Variants in TARS2 observed in about 807,000 individuals in gnomAD.
The protein encoded by TARS2 is threonine--tRNA ligase, mitochondrial.
In TARS2, 61 loss-of-function variants were observed where a neutral mutation model predicts 94.4. The observed-to-expected ratio is 0.65, with a 90% CI of 0.53 to 0.80. TARS2 has a LOEUF of 0.80. TARS2 is among the 30% of genes least tolerant of loss of function. The pLI is 0.00. For synonymous variants in TARS2, 359 were observed against 353.4 expected, an observed-to-expected ratio of 1.02 and a Z score of -0.18; for missense variants, 704 against 902.5, an observed-to-expected ratio of 0.78 and a Z score of 2.82.
chr1:150,497,336 T>C (rs952887863), intron 9 of TARS2, among the ~76,000 whole-genome samples, 194 bp from the exon 10 acceptor site: 4 of 152,110 alleles, frequency 2.6e-5, no homozygotes, highest in Non-Finnish European at 4.4e-5. Context: ...AACATAAATA[T>C]TGAAAGTGCT....
intron 12 of TARS2, 41 bp downstream of exon 12, chr1:150,499,075 T>A: frequency 6.2e-7 from 1 of 1,613,752 alleles, no homozygotes; most frequent in Non-Finnish European, 8.5e-7. Flanking sequence ...TAAACCACTC[T>A]CTGGTGGGAA....
intron 13 of TARS2, among the ~76,000 whole-genome samples, chr1:150,501,477 ATCAC>A (rs1669918846): frequency 6.8e-6 from 1 of 146,604 alleles, no homozygotes; most frequent in Admixed American, 6.8e-5. Context: ...ACCCATCACC[ATCAC>A]CATGCCTGGC....
chr1:150,498,412 A>G, intron 10 of TARS2, 90 bp from the exon 11 acceptor site: 1 of 1,465,990 alleles, frequency 6.8e-7, no homozygotes, highest in Non-Finnish European at 9.0e-7. Context: ...CAGATGGTGC[A>G]GAGAAAGTAG....
At chr1:150,501,334 T>TTTTTTTTC (rs1553905147) in intron 13 of TARS2, among the ~76,000 whole-genome samples, 1 of 98,672 alleles carries the variant, frequency 1.0e-5, no homozygotes, top group African/African-American at 4.2e-5. Context: ...TTTTTTTTTA[T>TTTTTTTTC]TGAGACTATG....
At chr1:150,495,106 G>A (rs587597797) in intron 7 of TARS2, among the ~76,000 whole-genome samples, 1 of 151,954 alleles carries the variant, frequency 6.6e-6, no homozygotes, top group Non-Finnish European at 1.5e-5. Context: ...GTGAACCCTG[G>A]GGGGTGGAGC....
At chr1:150,491,841 C>T (rs1669401074) in intron 6 of TARS2, 179 bp downstream of exon 6, 4 of 629,592 alleles carry the variant, frequency 6.4e-6, no homozygotes, top group Non-Finnish European at 1.1e-5. Context: ...GTCTCCCAGG[C>T]TGGAGTGCGG....
intron 16 of TARS2, 132 bp downstream of exon 16, chr1:150,505,110 G>C: frequency 1.2e-6 from 1 of 823,144 alleles, no homozygotes; most frequent in Non-Finnish European, 1.9e-6. Flanking sequence ...GACTGGGCTC[G>C]AGTGGCTGCT....
At chr1:150,506,486 G>GCACA (rs10581752) in intron 17 of TARS2, among the ~76,000 whole-genome samples, 5,720 of 123,740 alleles carry the variant, frequency 0.046, 341 homozygotes, top group African/African-American at 0.11. Flanking sequence ...ACACGCGCGC[G>GCACA]CACACACACA....
chr1:150,490,846 A>G (rs896749159), intron 4 of TARS2, 121 bp downstream of exon 4: 18 of 1,393,770 alleles, frequency 1.3e-5, no homozygotes, highest in Non-Finnish European at 1.7e-5. Flanking sequence ...TCTAGGTCTC[A>G]ACTATGACAT....
intron 17 of TARS2, among the ~76,000 whole-genome samples, chr1:150,506,623 G>A (rs1355350536): frequency 1.3e-5 from 2 of 149,562 alleles, no homozygotes; most frequent in Non-Finnish European, 3.0e-5. Context: ...TCTCTGTGGG[G>A]TTCTCAGTGT....
At chr1:150,497,003 C>T (rs1669693773) in intron 9 of TARS2, 95 bp downstream of exon 9, 1 of 1,219,754 alleles carries the variant, frequency 8.2e-7, no homozygotes, top group Admixed American at 2.1e-5. Flanking sequence ...GGGGTTGGGG[C>T]CGGGCACAGT....
intron 17 of TARS2, among the ~76,000 whole-genome samples, chr1:150,506,484 G>GCACACACACACA (rs777723888): frequency 5.5e-4 from 51 of 93,532 alleles, no homozygotes; most frequent in African/African-American, 1.7e-3. Context: ...AGACACGCGC[G>GCACACACACACA]CGCACACACA....
intron 7 of TARS2, among the ~76,000 whole-genome samples, chr1:150,492,997 T>C (rs1669473705): frequency 1.3e-5 from 2 of 151,474 alleles, no homozygotes; most frequent in Admixed American, 6.6e-5. Flanking sequence ...ATTCTCCTGC[T>C]TCAGCCTCCC....
At chr1:150,489,307 G>A in intron 3 of TARS2, 1 of 599,898 alleles carries the variant, frequency 1.7e-6, no homozygotes, top group Non-Finnish European at 2.9e-6. Flanking sequence ...GTGAGAGGGA[G>A]AGAGATGATA....
intron 13 of TARS2, among the ~76,000 whole-genome samples, chr1:150,500,410 C>T (rs992861718): frequency 1.3e-5 from 2 of 149,372 alleles, no homozygotes; most frequent in African/African-American, 4.9e-5. Flanking sequence ...GCCAACGTGG[C>T]GAAACCCCAT....
chr1:150,506,279 G>A (rs1479200187), intron 17 of TARS2, among the ~76,000 whole-genome samples: 2 of 151,790 alleles, frequency 1.3e-5, no homozygotes, highest in African/African-American at 2.4e-5. Flanking sequence ...CTCCCTTACC[G>A]CCCAGTCAGC....
In TARS2 at chr1:150,506,990, G is replaced by C; in HGVS notation, c.2083G>C (p.Asp695His). 1 of 1,614,138 alleles carries C rather than the reference G, an allele frequency of 6.2e-7. No homozygotes were observed. The highest frequency in any genetic ancestry group is 8.5e-7 in the Non-Finnish European group (1 of 1,180,028). Residue 695 changes from aspartate to histidine, a missense_variant, in exon 18 of 18, where the codon GAC (aspartate) becomes CAC (histidine). By Grantham distance (81) the Asp-to-His change is moderately conservative. Transcript: ENST00000369064. Reference protein sequence around the residue: ...TRDNRRLGEWDLPEAVQRLVE... With the variant: ...TRDNRRLGEWHLPEAVQRLVE... ...AGATAATCGTCGCCTTGGGGAGTGG[G>C]ACTTGCCTGAGGCTGTGCAGCGACT...
Position 150,505,679 on chromosome 1 carries a change from A to C in TARS2, c.1982A>C (p.Gln661Pro). The change falls in exon 17 of 18, where the codon CAG (glutamine) becomes CCG (proline). Residue 661 changes from glutamine (Q) to proline (P), a missense_variant. By Grantham distance (76) the Gln-to-Pro change is moderately conservative (BLOSUM62 -1). This residue lies in a region of TARS2 where 466 missense variants were observed against 609.5 expected (regional missense o/e 0.76). Transcript: ENST00000369064. ...CTCAGCCGGAGAATCCGCCGGGCCC[A>C]GCTTGCCCACTACAATTTTCAGTTT... ...LTLSRRIRRA[Q>P]LAHYNFQFVV... 6.2e-7 allele frequency: 1 copy of C among 1,614,080 alleles called. No homozygotes were observed. The highest frequency in any genetic ancestry group is 8.5e-7 in the Non-Finnish European group (1 of 1,180,002).
intron 2 of TARS2, 121 bp from the exon 3 acceptor site, chr1:150,488,843 T>A (rs1232232617): frequency 1.4e-6 from 2 of 1,419,286 alleles, no homozygotes; most frequent in Admixed American, 2.2e-5. Flanking sequence ...TATCACTCTA[T>A]TCTCTACCAC....
Sources: gnomAD v4.1 joint callset for allele counts (sites outside exome capture counted in the v4.1 genomes callset) on GRCh38, gnomAD v4.1.1 for gene constraint, gnomAD v4.1.1 regional missense constraint, MANE v1.5 for transcripts, NCBI Gene and HGNC (gene_info 2026-07-23, HGNC 2026-07-21) for gene names.